Variants in XRCC4 observed in about 807,000 individuals in gnomAD.
XRCC4 encodes DNA repair protein XRCC4.
In XRCC4, 28 loss-of-function variants were observed where a neutral mutation model predicts 39.1. The ratio of observed to expected loss-of-function variants is 0.72; its 90% CI spans 0.53 to 0.98. XRCC4 has a LOEUF of 0.98. XRCC4 is among the 50% of genes least tolerant of loss of function. The pLI is 0.00. For missense variants in XRCC4, 350 were observed against 376.4 expected, an observed-to-expected ratio of 0.93 and a Z score of 0.58; for synonymous variants, 123 against 126.4, an observed-to-expected ratio of 0.97 and a Z score of 0.18.
chr5:83,110,797 C>T (rs1746404640), intron 2 of XRCC4, among the ~76,000 whole-genome samples: 1 of 152,004 alleles, frequency 6.6e-6, no homozygotes, highest in Admixed American at 6.6e-5. Context: ...GAAAGAATGT[C>T]AAGGGTTTAA....
intron 1 of XRCC4, among the ~76,000 whole-genome samples, chr5:83,087,639 G>A (rs1356179593): frequency 1.3e-5 from 2 of 152,050 alleles, no homozygotes; most frequent in Non-Finnish European, 2.9e-5. Context: ...CTCCAGTCTG[G>A]GTGACAGAGT....
intron 4 of XRCC4, among the ~76,000 whole-genome samples, chr5:83,197,429 A>G (rs911853386): frequency 3.3e-5 from 5 of 152,176 alleles, no homozygotes; most frequent in African/African-American, 9.6e-5. Context: ...CAAATTGCCT[A>G]CAAAAATGCA....
At chr5:83,370,817 G>A in the XRCC4 span, among the ~76,000 whole-genome samples, 1 of 152,016 alleles carries the variant, frequency 6.6e-6, no homozygotes, top group Non-Finnish European at 1.5e-5. Flanking sequence ...TTACCATCAT[G>A]TGTTACCTGC....
At chr5:83,107,126 C>A (rs1580227304) in intron 2 of XRCC4, among the ~76,000 whole-genome samples, 1 of 151,894 alleles carries the variant, frequency 6.6e-6, no homozygotes, top group African/African-American at 2.4e-5. Context: ...ACTATGTGGT[C>A]ATTTTATTTT....
At chr5:83,358,178 G>A (rs191087856), downstream of XRCC4, among the ~76,000 whole-genome samples, 1 of 152,154 alleles carries the variant, frequency 6.6e-6, no homozygotes, top group Admixed American at 6.5e-5. Flanking sequence ...GGTTTTCTCC[G>A]TATCTTGATT....
At chr5:83,113,415 G>A (rs1167654303) in intron 3 of XRCC4, among the ~76,000 whole-genome samples, 1 of 152,136 alleles carries the variant, frequency 6.6e-6, no homozygotes, top group Non-Finnish European at 1.5e-5. Context: ...TTTCCCAGGG[G>A]CACAGTGCAA....
chr5:83,186,996 T>G (rs1163490511), intron 3 of XRCC4, among the ~76,000 whole-genome samples: 2 of 105,702 alleles, frequency 1.9e-5, no homozygotes, highest in Admixed American at 1.8e-4. Context: ...CAGGCTGGAG[T>G]GCAGTGGCGC....
At chr5:83,175,296 T>C (rs898106063) in intron 3 of XRCC4, among the ~76,000 whole-genome samples, 2 of 152,200 alleles carry the variant, frequency 1.3e-5, no homozygotes, top group African/African-American at 4.8e-5. Context: ...TAAACTTTTC[T>C]TGTATCTCAT....
chr5:83,348,653 T>G (rs1251971047), intron 7 of XRCC4, among the ~76,000 whole-genome samples: 1 of 152,252 alleles, frequency 6.6e-6, no homozygotes, highest in Non-Finnish European at 1.5e-5. Flanking sequence ...CTGAAATGCC[T>G]TGGAGGCACT....
Position 83,268,699 on chromosome 5 carries a change from TCTC to T in XRCC4, c.893+10025_893+10027del, listed in dbSNP as rs566501777. 1.9e-3 allele frequency among the ~76,000 whole-genome samples: 286 copies of T among 152,232 alleles called. 2 individuals are homozygous for T. The highest frequency in any genetic ancestry group is 9.6e-3 in the Admixed American group (147 of 15,288). ...TCTCTTACTTGGGGTTATATGACAT[TCTC>T]CTTATGGAATACGGAGAAAATCAGC... On this transcript the variant is annotated intron_variant, in intron 7 of 7. Transcript: ENST00000396027.
At chr5:83,141,932 A>G (rs1426835058) in intron 3 of XRCC4, among the ~76,000 whole-genome samples, 1 of 152,018 alleles carries the variant, frequency 6.6e-6, no homozygotes, top group Non-Finnish European at 1.5e-5. Context: ...CTGTGTGGCC[A>G]TTGTTATTCT....
At chr5:83,371,693 T>C in the XRCC4 span, among the ~76,000 whole-genome samples, 1 of 152,134 alleles carries the variant, frequency 6.6e-6, no homozygotes, top group Middle Eastern at 3.4e-3. Context: ...AGACAGCAAA[T>C]GTATAGACAA....
intron 6 of XRCC4, among the ~76,000 whole-genome samples, chr5:83,222,432 C>T (rs1465770220): frequency 6.6e-6 from 1 of 152,160 alleles, no homozygotes; most frequent in Non-Finnish European, 1.5e-5. Flanking sequence ...CCTCATAAAA[C>T]ATTGTTATTG....
chr5:83,090,863 T>A (rs1423990075), intron 1 of XRCC4, among the ~76,000 whole-genome samples: 3 of 152,210 alleles, frequency 2.0e-5, no homozygotes, highest in Non-Finnish European at 1.5e-5. Context: ...ACACTCATTA[T>A]TTTTTGTTTG....
intron 7 of XRCC4, among the ~76,000 whole-genome samples, chr5:83,314,628 C>T (rs542240424): frequency 6.6e-6 from 1 of 152,252 alleles, no homozygotes; most frequent in East Asian, 1.9e-4. Flanking sequence ...CTTTGTGTCA[C>T]TGTCACATTT....
chr5:83,105,199 T>C, intron 2 of XRCC4, 141 bp downstream of exon 2: 4 of 758,364 alleles, frequency 5.3e-6, no homozygotes, highest in Non-Finnish European at 8.0e-6. Flanking sequence ...CACAGGTTTG[T>C]AATATTTAAT....
At chr5:83,085,451 T>G (rs1580195040) in intron 1 of XRCC4, among the ~76,000 whole-genome samples, 1 of 146,670 alleles carries the variant, frequency 6.8e-6, no homozygotes, top group East Asian at 1.9e-4. Flanking sequence ...TTGGGGCACT[T>G]AAAAAGTTAA....
At position 83,184,066 on chromosome 5, in the gene XRCC4, A is replaced by AT. The variant is rs939451758; in HGVS notation, c.316-11699dup. Among the ~76,000 whole-genome samples, 131 of 152,236 alleles carry AT rather than the reference A, an allele frequency of 8.6e-4. No individual in the cohort carries two copies. In the Middle Eastern group the frequency reaches 0.01, roughly 12 times the overall value. On this transcript the variant is annotated intron_variant, in intron 3 of 7. Transcript: ENST00000396027. Reference sequence around the variant, plus strand: ...TAAATCGTAAGTAAAGTTTAAAAAAATTTTTAATAAATATTTTTGAATGAA... The same window carrying AT: ...TAAATCGTAAGTAAAGTTTAAAAAAATTTTTTAATAAATATTTTTGAATGAA...
intron 6 of XRCC4, among the ~76,000 whole-genome samples, chr5:83,225,860 C>A (rs1752267653): frequency 6.6e-6 from 1 of 151,294 alleles, no homozygotes; most frequent in Non-Finnish European, 1.5e-5. Flanking sequence ...GGGTCTAGGC[C>A]CTGGAAATGT....
Sources: allele counts gnomAD v4.1 joint callset (sites outside exome capture counted in the v4.1 genomes callset), GRCh38; gene constraint gnomAD v4.1.1; transcripts MANE v1.5; gene names NCBI Gene and HGNC (gene_info 2026-07-23, HGNC 2026-07-21).